Variants in LRBA observed in about 807,000 individuals in gnomAD.
The protein encoded by LRBA is lipopolysaccharide-responsive and beige-like anchor protein.
LRBA carries 176 observed loss-of-function variants against 330.0 expected under a neutral mutation model. The ratio of observed to expected loss-of-function variants is 0.53; its 90% CI spans 0.47 to 0.60. The LOEUF (loss-of-function observed/expected upper bound fraction) is 0.60. LRBA is among the 20% of genes least tolerant of loss of function. LRBA has a pLI of 0.00. For synonymous variants in LRBA, 1,230 were observed against 1,193.0 expected (o/e 1.03, Z -0.64); for missense variants, 3,259 against 3,444.8 (o/e 0.95, Z 1.35).
intron 9 of LRBA, among the ~76,000 whole-genome samples, chr4:150,911,330 C>T (rs1217487021): frequency 6.6e-6 from 1 of 152,022 alleles, no homozygotes; most frequent in Non-Finnish European, 1.5e-5. Context: ...TTTTCATATA[C>T]AATATTTTAT....
intron 35 of LRBA, 96 bp downstream of exon 35, chr4:150,761,683 GAACA>G (rs1735109193): frequency 3.0e-6 from 2 of 656,630 alleles, no homozygotes; most frequent in Non-Finnish European, 5.2e-6. Flanking sequence ...ATTACTGACT[GAACA>G]AACAGTAAAT....
At chr4:150,476,812 C>T (rs576371025) in intron 42 of LRBA, among the ~76,000 whole-genome samples, 1 of 152,138 alleles carries the variant, frequency 6.6e-6, no homozygotes, top group Non-Finnish European at 1.5e-5. Context: ...AAACTGGTAT[C>T]TGTGTGTATA....
intron 34 of LRBA, among the ~76,000 whole-genome samples, chr4:150,766,760 G>A (rs1400511210): frequency 6.6e-6 from 1 of 152,064 alleles, no homozygotes; most frequent in East Asian, 1.9e-4. Flanking sequence ...TCTCCCAGAG[G>A]TACTGATGAA....
intron 40 of LRBA, among the ~76,000 whole-genome samples, chr4:150,506,086 T>G (rs2152123393): frequency 6.6e-6 from 1 of 152,294 alleles, no homozygotes; most frequent in African/African-American, 2.4e-5. Context: ...CAATAATTAA[T>G]AGCTTACCAA....
Position 150,990,372 on chromosome 4 carries a change from A to G in LRBA, c.216+24055T>C, listed in dbSNP as rs182807381. On this transcript the variant is annotated intron_variant, in intron 2 of 56. Coordinates refer to ENST00000651943, the MANE Select transcript of LRBA (RefSeq NM_001364905.1). ...CAGAAGAATTTAGCATATAATCCTC[A>G]TATTTGAAGTTCACTGTACAAATAC... Among the ~76,000 whole-genome samples, 11 of 152,322 alleles carry G rather than the reference A, an allele frequency of 7.2e-5. No homozygotes were observed. In the East Asian group the frequency reaches 1.5e-3, roughly 21 times the overall value.
intron 31 of LRBA, among the ~76,000 whole-genome samples, chr4:150,809,349 G>T (rs1293105498): frequency 6.6e-6 from 1 of 152,144 alleles, no homozygotes; most frequent in Non-Finnish European, 1.5e-5. Flanking sequence ...CTAAAAGAAA[G>T]AAATGGCTGA....
At chr4:150,290,524 A>G (rs1478576604) in intron 53 of LRBA, among the ~76,000 whole-genome samples, 1 of 152,148 alleles carries the variant, frequency 6.6e-6, no homozygotes, top group East Asian at 1.9e-4. Context: ...TGAGAGAAAA[A>G]TTTATCTTGC....
Position 150,285,988 on chromosome 4 carries a change from C to A in LRBA, c.8064G>T (p.Glu2688Asp), listed in dbSNP as rs984876178. 4 of 1,597,266 alleles carry A rather than the reference C, an allele frequency of 2.5e-6. No homozygotes were observed. The highest frequency in any genetic ancestry group is 3.4e-6 in the Non-Finnish European group (4 of 1,171,990). ...CCGCACACACCGCAGCACATGTGAC[C>A]TCATAGTCATGGCCGGTCAAAATGG... ...PRAILTGHDY[E>D]VTCAAVCAEL... The change falls in exon 54 of 57, where the codon GAG becomes GAT. Residue 2688 changes from glutamate to aspartate, a missense_variant. Physicochemically the swap from Glu to Asp is conservative, Grantham distance 45 (BLOSUM62 2). Coordinates refer to ENST00000651943, the MANE Select transcript of LRBA (RefSeq NM_001364905.1).
intron 37 of LRBA, among the ~76,000 whole-genome samples, chr4:150,614,821 A>G (rs750928142): frequency 6.6e-6 from 1 of 152,248 alleles, no homozygotes; most frequent in Non-Finnish European, 1.5e-5. Flanking sequence ...CTGCAAAAGC[A>G]ATGTGTTCCC....
intron 43 of LRBA, 32 bp downstream of exon 43, chr4:150,471,592 C>T (rs1322334677): frequency 2.5e-6 from 3 of 1,194,798 alleles, no homozygotes; most frequent in South Asian, 1.3e-5. Flanking sequence ...AATTTATTGT[C>T]TAAAATAAAT....
At position 150,853,023 on chromosome 4, in the gene LRBA, CAAAT is replaced by C. The variant is rs146506678; in HGVS notation, c.2767-84_2767-81del. On this transcript the variant is annotated intron_variant, in intron 22 of 56. Coordinates refer to ENST00000651943, the MANE Select transcript of LRBA (RefSeq NM_001364905.1). ...ACAAAATATAAAACTAAATAATTTTCAAATACATAGTTTATATAATACAATAAAA... is the reference window on the plus strand; with the variant it reads ...ACAAAATATAAAACTAAATAATTTTCACATAGTTTATATAATACAATAAAA... 4.9e-3 allele frequency: 3,486 copies of C among 705,010 alleles called. 103 individuals are homozygous for C. The East Asian group carries it at 0.06, about 12-fold the overall frequency. 43.7% of individuals were successfully genotyped at this position (705,010 alleles called of 1,614,324 possible).
chr4:150,460,467 A>G (rs185130257), intron 44 of LRBA, among the ~76,000 whole-genome samples: 156 of 151,982 alleles, frequency 1.0e-3, no homozygotes, highest in African/African-American at 3.5e-3. Context: ...TCTACTCTTT[A>G]GAACTATTTG....
intron 36 of LRBA, among the ~76,000 whole-genome samples, chr4:150,716,674 A>G (rs1212110039): frequency 1.1e-4 from 16 of 152,180 alleles, no homozygotes; most frequent in Admixed American, 1.0e-3. Context: ...TAAGAGGAAA[A>G]TTGAATAATT....
intron 2 of LRBA, among the ~76,000 whole-genome samples, chr4:150,929,488 C>CA (rs2149509784): frequency 6.6e-6 from 1 of 152,268 alleles, no homozygotes; most frequent in Admixed American, 6.5e-5. Flanking sequence ...GAAAAAGGCT[C>CA]AGAGTGGTCA....
At chr4:150,753,653 C>T (rs1733860666) in intron 35 of LRBA, among the ~76,000 whole-genome samples, 1 of 152,092 alleles carries the variant, frequency 6.6e-6, no homozygotes, top group South Asian at 2.1e-4. Context: ...AACAGCAAAT[C>T]CTATTTAGCA....
chr4:150,709,519 T>C (rs1209568056), intron 36 of LRBA, among the ~76,000 whole-genome samples: 1 of 151,952 alleles, frequency 6.6e-6, no homozygotes, highest in East Asian at 1.9e-4. Context: ...ATAATCCATT[T>C]GTTTCCATAG....
chr4:150,309,078 C>CTA (rs1730729932), intron 52 of LRBA, among the ~76,000 whole-genome samples: 1 of 152,070 alleles, frequency 6.6e-6, no homozygotes, highest in Non-Finnish European at 1.5e-5. Flanking sequence ...GGGAAGTGCC[C>CTA]TATACAGGTA....
rs764060275 is a variant in LRBA at position 150,762,664 on chromosome 4, C to G, written c.5581-817G>C. Among the ~76,000 whole-genome samples, 49 of 151,700 alleles carry G rather than the reference C, an allele frequency of 3.2e-4. 1 individual carries two copies. The highest frequency in any genetic ancestry group is 6.8e-4 in the Non-Finnish European group (46 of 67,746). On this transcript the variant is annotated intron_variant, in intron 34 of 56. Transcript: ENST00000651943. Reference sequence around the variant, plus strand: ...GTGTGTGCCTATATAAACACACACACAAAGATTTGCTTTTAAAGAACTGGA... The same window carrying G: ...GTGTGTGCCTATATAAACACACACAGAAAGATTTGCTTTTAAAGAACTGGA...
intron 36 of LRBA, chr4:150,720,997 G>T: frequency 1.9e-6 from 1 of 521,368 alleles, no homozygotes; most frequent in East Asian, 5.2e-5. Context: ...CAGAAAGAGG[G>T]AGATGTTAGA....
Sources: gnomAD v4.1 joint callset for allele counts (sites outside exome capture counted in the v4.1 genomes callset) on GRCh38, gnomAD v4.1.1 for gene constraint, MANE v1.5 for transcripts, NCBI Gene and HGNC (gene_info 2026-07-23, HGNC 2026-07-21) for gene names.